Variants in PYGB observed in about 807,000 individuals in gnomAD.
PYGB encodes glycogen phosphorylase, brain form.
In PYGB, 82 loss-of-function variants were observed where a neutral mutation model predicts 94.3. That is an observed-to-expected ratio of 0.87 (90% CI 0.73 to 1.04). The LOEUF (loss-of-function observed/expected upper bound fraction) is 1.04, where lower values mean the gene tolerates loss of function less well. Among genes scored for constraint, PYGB ranks in the 50% least tolerant of loss-of-function variants. The probability of loss-of-function intolerance (pLI) is 0.00; values close to 1 mark genes in which losing one functional copy is unlikely to be tolerated. For missense variants in PYGB, 1,132 were observed against 1,158.2 expected (o/e 0.98, Z 0.33); for synonymous variants, 488 against 479.1 (o/e 1.02, Z -0.24).
intron 15 of PYGB, chr20:25,289,909 G>A (rs753644672): frequency 1.3e-5 from 7 of 533,426 alleles, no homozygotes; most frequent in African/African-American, 5.8e-5. Context: ...GGAGTCCTCC[G>A]TGTCCTGAAA....
intron 1 of PYGB, among the ~76,000 whole-genome samples, chr20:25,255,061 T>G (rs930620163): frequency 3.9e-5 from 6 of 152,206 alleles, no homozygotes; most frequent in African/African-American, 1.4e-4. Context: ...GAAGCCAAGT[T>G]TCCCTGGCAG....
rs1053164781 is a variant in PYGB at position 25,296,615 on chromosome 20, G to A, written c.*93G>A. 9.6e-6 allele frequency: 14 copies of A among 1,464,992 alleles called. No individual in the cohort carries two copies. In the African/African-American group the frequency reaches 1.7e-4, roughly 18 times the overall value. The allele number at this position is 1,464,992 out of a possible 1,614,324, so 90.7% of individuals were successfully genotyped here. A position where few individuals can be genotyped will look rare whatever the true frequency, so the allele number is the denominator to read the frequency against. ...CCAAACACTTTGCCAGCCACTGGTG[G>A]TCCCTGCTTTTCTGAGTACCATGTT... On this transcript the variant is annotated 3_prime_UTR_variant, in exon 20 of 20. Transcript: ENST00000216962.
intron 11 of PYGB, 61 bp downstream of exon 11, chr20:25,281,173 G>A (rs1239235125): frequency 5.1e-6 from 8 of 1,584,150 alleles, no homozygotes; most frequent in Non-Finnish European, 6.9e-6. Context: ...CTGCGTCTAG[G>A]ACCATCCACC....
At chr20:25,278,551 T>C in intron 8 of PYGB, 89 bp downstream of exon 8, 3 of 1,527,394 alleles carry the variant, frequency 2.0e-6, no homozygotes, top group Non-Finnish European at 2.7e-6. Flanking sequence ...CAAAAGGGGC[T>C]AGAGTGGAAT....
Position 25,274,597 on chromosome 20 carries a change from G to A in PYGB, c.534G>A (p.Glu178=), listed in dbSNP as rs756152089. 5.6e-6 allele frequency: 9 copies of A among 1,613,162 alleles called. No individual in the cohort carries two copies. The South Asian group carries it at 8.8e-5, about 16-fold the overall frequency. ...NQKIVNGWQV[E]EADDWLRYGN... ...CACAGCTGGCTTCTTTCCAGGTAGA[G>A]GAGGCCGATGACTGGCTGCGCTACG... The change falls in exon 5 of 20, where the codon GAG becomes GAA. Residue 178 remains glutamate (E), a synonymous_variant. Coordinates refer to ENST00000216962, the MANE Select transcript of PYGB (RefSeq NM_002862.4).
intron 1 of PYGB, among the ~76,000 whole-genome samples, chr20:25,249,343 G>T (rs2092881057): frequency 6.6e-6 from 1 of 152,180 alleles, no homozygotes; most frequent in South Asian, 2.1e-4. Flanking sequence ...TAGGTACATG[G>T]TAGTCTTGCA....
intron 2 of PYGB, among the ~76,000 whole-genome samples, chr20:25,265,094 A>G (rs2088205490): frequency 1.3e-5 from 2 of 152,224 alleles, no homozygotes; most frequent in African/African-American, 2.4e-5. Flanking sequence ...GACCAATGGA[A>G]CAGAGTAGAG....
At chr20:25,279,578 A>C (rs2088347166) in intron 9 of PYGB, among the ~76,000 whole-genome samples, 1 of 152,168 alleles carries the variant, frequency 6.6e-6, no homozygotes, top group Non-Finnish European at 1.5e-5. Context: ...ACCATAAAAC[A>C]GGCCAATGTG....
At chr20:25,264,582 G>T (rs1184992228) in intron 2 of PYGB, among the ~76,000 whole-genome samples, 1 of 152,108 alleles carries the variant, frequency 6.6e-6, no homozygotes, top group East Asian at 1.9e-4. Flanking sequence ...CAAAGTCTCA[G>T]GATACAAAAT....
chr20:25,284,181 G>C lies in PYGB; in HGVS notation c.1698G>C (p.Val566=), dbSNP rs2088396241. The part of the protein sequence containing the change: ...VKINPSSMFD[V]HVKRIHEYKR... ...TCAACCCCTCCTCCATGTTCGATGT[G>C]CATGTGAAGAGGATCCACGAGTACA... The change falls in exon 14 of 20, where the codon GTG becomes GTC. Residue 566 remains valine, a synonymous_variant. Transcript: ENST00000216962. The C allele has an allele frequency of 6.2e-7, 1 of 1,614,086 alleles. No homozygotes were observed. The highest frequency in any genetic ancestry group is 8.5e-7 in the Non-Finnish European group (1 of 1,179,978).
intron 2 of PYGB, among the ~76,000 whole-genome samples, chr20:25,263,367 CAAAA>C (rs1295620410): frequency 2.0e-5 from 3 of 151,890 alleles, no homozygotes; most frequent in Non-Finnish European, 4.4e-5. Context: ...TGAATAATCA[CAAAA>C]GAACTAGAGA....
At chr20:25,285,302 T>G (rs940251770) in intron 14 of PYGB, 5 of 152,248 alleles carry the variant, frequency 3.3e-5, no homozygotes, top group African/African-American at 1.2e-4. Context: ...TGTGTTCCCC[T>G]GGTGGTGACC....
At chr20:25,283,136 G>C (rs757003677) in intron 12 of PYGB, 40 bp from the exon 13 acceptor site, 11 of 1,530,316 alleles carry the variant, frequency 7.2e-6, no homozygotes, top group Non-Finnish European at 9.9e-6. Flanking sequence ...AGCCTCAGGA[G>C]GCTGAGGCCC....
rs13433150 is a variant in PYGB, at chr20:25,263,182, C to T, written c.345+3844C>T. On this transcript the variant is annotated intron_variant, in intron 2 of 19. Coordinates refer to ENST00000216962, the MANE Select transcript of PYGB (RefSeq NM_002862.4). ...ATATACATTCTTCTCAGCACCACATCGCACTTATTCCAAAATTGACCACAT... is the reference window on the plus strand; with the variant it reads ...ATATACATTCTTCTCAGCACCACATTGCACTTATTCCAAAATTGACCACAT... 1.5e-3 allele frequency among the ~76,000 whole-genome samples: 233 copies of T among 152,200 alleles called. 2 individuals carry two copies. The highest frequency in any genetic ancestry group is 5.4e-3 in the African/African-American group (223 of 41,528).
At chr20:25,258,067 C>G (rs887903281) in intron 1 of PYGB, among the ~76,000 whole-genome samples, 2 of 152,096 alleles carry the variant, frequency 1.3e-5, no homozygotes, top group African/African-American at 4.8e-5. Context: ...GGAATTTATA[C>G]AGTAATGTAG....
rs147606372 is a variant in PYGB at position 25,291,662 on chromosome 20, C to T, written c.1970-744C>T. Among the ~76,000 whole-genome samples, 1,210 of 152,302 alleles carry T rather than the reference C, an allele frequency of 7.9e-3. 10 individuals are homozygous for T. The highest frequency in any genetic ancestry group is 0.034 in the Middle Eastern group (10 of 292). ...TCTGACCGAAGCATCTCCTCTCCCC[C>T]GTGCTGCCTGAGGCTCCCCTCCTCC... On this transcript the variant is annotated intron_variant, in intron 16 of 19. Coordinates refer to ENST00000216962, the MANE Select transcript of PYGB (RefSeq NM_002862.4).
intron 2 of PYGB, among the ~76,000 whole-genome samples, chr20:25,268,349 C>T (rs1384416993): frequency 6.6e-6 from 1 of 151,348 alleles, no homozygotes; most frequent in African/African-American, 2.4e-5. Flanking sequence ...AAAACACTAC[C>T]ACTCTTCTCA....
intron 1 of PYGB, chr20:25,251,064 T>G (rs1410069324): frequency 2.0e-5 from 3 of 152,190 alleles, no homozygotes; most frequent in African/African-American, 7.2e-5. Flanking sequence ...GAGTAGAAGT[T>G]GGGGTGTTCA....
chr20:25,271,650 C>T (rs2088269691), intron 4 of PYGB, among the ~76,000 whole-genome samples, 164 bp downstream of exon 4: 1 of 152,206 alleles, frequency 6.6e-6, no homozygotes, highest in Non-Finnish European at 1.5e-5. Context: ...GCTCCGGCTT[C>T]TTGGTCCACA....
Sources: gnomAD v4.1 joint callset for allele counts (sites outside exome capture counted in the v4.1 genomes callset) on GRCh38, gnomAD v4.1.1 for gene constraint, MANE v1.5 for transcripts, NCBI Gene and HGNC (gene_info 2026-07-23, HGNC 2026-07-21) for gene names.